PTPRM: variants seen among roughly 807,000 people sequenced by gnomAD.
PTPRM encodes the protein receptor-type tyrosine-protein phosphatase mu.
In PTPRM, 47 loss-of-function variants were observed where a neutral mutation model predicts 186.7. The observed-to-expected ratio is 0.25, with a 90% CI of 0.20 to 0.32. The LOEUF (loss-of-function observed/expected upper bound fraction) is 0.32, where lower values mean the gene tolerates loss of function less well. Ranked by LOEUF, PTPRM falls within the 10% of genes least tolerant of loss-of-function variation. The pLI is 1.00. For missense variants in PTPRM, 1,494 were observed against 1,865.0 expected (o/e 0.80, Z 3.66); for synonymous variants, 668 against 674.9 (o/e 0.99, Z 0.16).
At chr18:7,651,553 G>A (rs1300831516) in intron 1 of PTPRM, among the ~76,000 whole-genome samples, 4 of 151,944 alleles carry the variant, frequency 2.6e-5, no homozygotes, top group African/African-American at 9.7e-5. Flanking sequence ...CCAAAACAGA[G>A]ATATAGATCA....
At chr18:7,874,296 C>T (rs990140757) in intron 2 of PTPRM, among the ~76,000 whole-genome samples, 1 of 151,812 alleles carries the variant, frequency 6.6e-6, no homozygotes, top group African/African-American at 2.4e-5. Flanking sequence ...AAGGCATATG[C>T]AATTTTTGTT....
intron 2 of PTPRM, among the ~76,000 whole-genome samples, chr18:7,813,089 G>A (rs1257476686): frequency 2.0e-5 from 3 of 152,246 alleles, no homozygotes; most frequent in Non-Finnish European, 4.4e-5. Flanking sequence ...CTTTGGTGAT[G>A]TTTCCTTTCT....
At chr18:8,289,593 TATATATATACACACATATATATATACAC>T (rs1568675577) in intron 19 of PTPRM, among the ~76,000 whole-genome samples, 2 of 126,380 alleles carry the variant, frequency 1.6e-5, no homozygotes, top group East Asian at 2.1e-4. Context: ...TATATACACA[TATATATATACACACATATATATATACAC>T]ATATATATAT....
chr18:8,155,273 T>C (rs2093097107), intron 14 of PTPRM, among the ~76,000 whole-genome samples: 1 of 152,214 alleles, frequency 6.6e-6, no homozygotes, highest in Non-Finnish European at 1.5e-5. Flanking sequence ...CATGATTAAT[T>C]ATATTTACGA....
intron 5 of PTPRM, among the ~76,000 whole-genome samples, chr18:7,938,165 A>G (rs2051945955): frequency 6.6e-6 from 1 of 152,210 alleles, no homozygotes. Flanking sequence ...ATATCTTGGT[A>G]TGCACACATA....
intron 22 of PTPRM, among the ~76,000 whole-genome samples, chr18:8,326,511 ATC>A (rs2095377401): frequency 6.6e-6 from 1 of 152,246 alleles, no homozygotes; most frequent in South Asian, 2.1e-4. Context: ...AGCTGGAGGC[ATC>A]ACTTTATGTG....
intron 7 of PTPRM, among the ~76,000 whole-genome samples, chr18:8,011,736 A>G (rs1449153023): frequency 6.6e-6 from 1 of 152,230 alleles, no homozygotes; most frequent in Non-Finnish European, 1.5e-5. Context: ...TGCAGAATGC[A>G]TGGTGGCTAA....
rs567063360 is a variant in PTPRM, at chr18:8,312,537, G to A, written c.2843-2244G>A. ...CAATAATAACTGACATCTATCCATC[G>A]CTTCCTATATACCAGGCTTTTTTAT... On this transcript the variant is annotated intron_variant, in intron 20 of 32. Transcript: ENST00000580170. Among the ~76,000 whole-genome samples, 6 of 152,078 alleles carry A rather than the reference G, an allele frequency of 3.9e-5. No individual in the cohort carries two copies. The East Asian group carries it at 7.7e-4, about 20-fold the overall frequency.
chr18:7,647,616 T>C (rs2144241330), intron 1 of PTPRM, among the ~76,000 whole-genome samples: 1 of 152,356 alleles, frequency 6.6e-6, no homozygotes, highest in South Asian at 2.1e-4. Flanking sequence ...AAGGCTACGC[T>C]GGTGTGTCCT....
At chr18:8,237,793 T>G (rs990692462) in intron 14 of PTPRM, among the ~76,000 whole-genome samples, 1 of 152,164 alleles carries the variant, frequency 6.6e-6, no homozygotes, top group Admixed American at 6.5e-5. Context: ...TTTCCTTCAC[T>G]TTTGAGGGAT....
At chr18:7,957,003 T>C (rs2053356393) in intron 7 of PTPRM, among the ~76,000 whole-genome samples, 1 of 152,166 alleles carries the variant, frequency 6.6e-6, no homozygotes, top group Admixed American at 6.5e-5. Flanking sequence ...GTAAGTTTAG[T>C]GTTATTTCAC....
intron 14 of PTPRM, among the ~76,000 whole-genome samples, chr18:8,211,377 C>CTTTTTT (rs970926126): frequency 4.8e-3 from 419 of 87,190 alleles, no homozygotes; most frequent in Non-Finnish European, 5.2e-3. Context: ...GTCTCTTCTT[C>CTTTTTT]TTTTTTTTTT....
intron 22 of PTPRM, among the ~76,000 whole-genome samples, chr18:8,320,354 C>G (rs2095338163): frequency 6.6e-6 from 1 of 152,106 alleles, no homozygotes; most frequent in Non-Finnish European, 1.5e-5. Flanking sequence ...GAGGCTGGGT[C>G]CCATTGATGA....
At chr18:8,299,085 C>T (rs953037485) in intron 20 of PTPRM, among the ~76,000 whole-genome samples, 3 of 152,016 alleles carry the variant, frequency 2.0e-5, no homozygotes, top group Non-Finnish European at 2.9e-5. Context: ...GCAGGCTCCC[C>T]ACCACGTTCC....
At chr18:7,769,985 T>G (rs2042199070) in intron 1 of PTPRM, among the ~76,000 whole-genome samples, 1 of 152,050 alleles carries the variant, frequency 6.6e-6, no homozygotes, top group Non-Finnish European at 1.5e-5. Flanking sequence ...TGACTTGGGT[T>G]TAGTCGTGAT....
chr18:8,057,166 C>T (rs1222120561), intron 7 of PTPRM, among the ~76,000 whole-genome samples: 1 of 149,586 alleles, frequency 6.7e-6, no homozygotes, highest in Non-Finnish European at 1.5e-5. Context: ...AGATAATAAC[C>T]TTTGAATAGG....
intron 2 of PTPRM, among the ~76,000 whole-genome samples, chr18:7,867,749 T>G (rs538702140): frequency 1.8e-3 from 280 of 152,314 alleles, no homozygotes; most frequent in African/African-American, 6.3e-3. Context: ...TGGCCTGTCT[T>G]TCTAGGTTGG....
At chr18:7,934,582 T>C (rs1389571546) in intron 5 of PTPRM, among the ~76,000 whole-genome samples, 1 of 152,234 alleles carries the variant, frequency 6.6e-6, no homozygotes, top group Non-Finnish European at 1.5e-5. Flanking sequence ...ATAGTGTTTA[T>C]ATTACTGACT....
chr18:7,753,252 T>C (rs2041309963), intron 1 of PTPRM, among the ~76,000 whole-genome samples: 1 of 152,078 alleles, frequency 6.6e-6, no homozygotes, highest in Non-Finnish European at 1.5e-5. Context: ...TGTGTCCGTA[T>C]TGTTTTGATT....
Sources: allele counts gnomAD v4.1 joint callset (sites outside exome capture counted in the v4.1 genomes callset), GRCh38; gene constraint gnomAD v4.1.1; transcripts MANE v1.5; gene names NCBI Gene and HGNC (gene_info 2026-07-23, HGNC 2026-07-21).